The following CLSTN2 variants were observed in gnomAD, a reference collection of about 807,000 sequenced individuals.
The protein encoded by CLSTN2 is calsyntenin-2.
A neutral mutation model predicts 101.2 loss-of-function variants in CLSTN2; 48 were observed. That is an observed-to-expected ratio of 0.47 (90% CI 0.38 to 0.60). The LOEUF (loss-of-function observed/expected upper bound fraction) is 0.60, where lower values mean the gene tolerates loss of function less well. CLSTN2 is among the 20% of genes least tolerant of loss of function. The pLI is 0.00. For missense variants in CLSTN2, 1,160 were observed against 1,238.2 expected (o/e 0.94, Z 0.95); for synonymous variants, 481 against 463.6 (o/e 1.04, Z -0.48).
chr3:140,451,403 C>A (rs1933247756), intron 6 of CLSTN2, among the ~76,000 whole-genome samples: 1 of 152,208 alleles, frequency 6.6e-6, no homozygotes, highest in Admixed American at 6.5e-5. Flanking sequence ...AGGCCGTTTC[C>A]CCCAAGGTGT....
At chr3:140,044,442 C>G (rs1161463917) in intron 1 of CLSTN2, among the ~76,000 whole-genome samples, 5 of 151,904 alleles carry the variant, frequency 3.3e-5, no homozygotes, top group African/African-American at 9.7e-5. Context: ...GAGACGATGG[C>G]GTTTTCTAGA....
intron 1 of CLSTN2, among the ~76,000 whole-genome samples, chr3:140,032,462 C>T (rs1576403457): frequency 6.6e-6 from 1 of 151,808 alleles, no homozygotes; most frequent in African/African-American, 2.4e-5. Flanking sequence ...TCAGCCTCCT[C>T]AGTAGCTGGG....
At chr3:140,140,786 T>C (rs72986148) in intron 1 of CLSTN2, among the ~76,000 whole-genome samples, 25,863 of 152,224 alleles carry the variant, frequency 0.17, 6,618 homozygotes, top group African/African-American at 0.56. Flanking sequence ...AACTCAGGAC[T>C]GCCTAACTCT....
chr3:140,340,103 C>T (rs1050837415), intron 2 of CLSTN2, among the ~76,000 whole-genome samples: 1 of 138,010 alleles, frequency 7.2e-6, no homozygotes, highest in African/African-American at 2.5e-5. Context: ...TGGTACAAGT[C>T]TAGGCTCCTC....
intron 2 of CLSTN2, among the ~76,000 whole-genome samples, chr3:140,182,752 G>A (rs767165572): frequency 1.3e-5 from 2 of 152,146 alleles, no homozygotes; most frequent in Non-Finnish European, 2.9e-5. Flanking sequence ...AGTCTATTGT[G>A]TACTTCTCCA....
chr3:140,127,438 C>A (rs1270060898), intron 1 of CLSTN2, among the ~76,000 whole-genome samples: 1 of 152,166 alleles, frequency 6.6e-6, no homozygotes, highest in African/African-American at 2.4e-5. Context: ...ACTATGATTA[C>A]TAATATGCTG....
At chr3:139,965,015 G>C (rs1307174413) in intron 1 of CLSTN2, among the ~76,000 whole-genome samples, 3 of 152,096 alleles carry the variant, frequency 2.0e-5, no homozygotes, top group African/African-American at 7.2e-5. Flanking sequence ...TGCCACTACG[G>C]TTGATATTTT....
At chr3:139,940,241 A>G (rs1935101545) in intron 1 of CLSTN2, among the ~76,000 whole-genome samples, 1 of 152,202 alleles carries the variant, frequency 6.6e-6, no homozygotes, top group African/African-American at 2.4e-5. Flanking sequence ...ATTTCTTGAC[A>G]TAGACAATTT....
intron 2 of CLSTN2, among the ~76,000 whole-genome samples, chr3:140,356,791 A>G (rs2087676014): frequency 6.6e-6 from 1 of 151,926 alleles, no homozygotes; most frequent in South Asian, 2.1e-4. Context: ...AAAAATTCCA[A>G]ACATACAGAA....
In CLSTN2 at chr3:140,181,437, T is replaced by A. The variant is rs181801998; in HGVS notation, c.232+5364T>A. Among the ~76,000 whole-genome samples, 12 of 152,282 alleles carry A rather than the reference T, an allele frequency of 7.9e-5. No individual in the cohort carries two copies. The South Asian group carries it at 1.0e-3, about 13-fold the overall frequency. On this transcript the variant is annotated intron_variant, in intron 2 of 16. Transcript: ENST00000458420. ...TGCAATTATAATCTGTGATTTTTTT[T>A]AAAAAAGAGAAAAGTTTTGAGTTTG...
At chr3:140,519,473 T>C (rs1304674240) in intron 8 of CLSTN2, among the ~76,000 whole-genome samples, 1 of 152,230 alleles carries the variant, frequency 6.6e-6, no homozygotes, top group Non-Finnish European at 1.5e-5. Context: ...AGTCTAAGTC[T>C]CTTTGTAGTC....
At chr3:140,063,744 T>G (rs1377597169) in intron 1 of CLSTN2, among the ~76,000 whole-genome samples, 1 of 152,164 alleles carries the variant, frequency 6.6e-6, no homozygotes, top group East Asian at 1.9e-4. Flanking sequence ...GTCACCCTTT[T>G]GTAGGAGGGG....
intron 9 of CLSTN2, among the ~76,000 whole-genome samples, chr3:140,533,601 C>T (rs576069876): frequency 4.6e-5 from 7 of 151,424 alleles, no homozygotes; most frequent in Admixed American, 1.3e-4. Flanking sequence ...GTCCCAGCTA[C>T]TCGGGAGGCT....
intron 1 of CLSTN2, among the ~76,000 whole-genome samples, chr3:140,063,717 T>C (rs1031261100): frequency 3.9e-5 from 6 of 152,156 alleles, no homozygotes; most frequent in Non-Finnish European, 8.8e-5. Context: ...CCCTACTATA[T>C]CCTCCTTCAG....
At chr3:140,559,626 C>A (rs1400294624) in intron 12 of CLSTN2, among the ~76,000 whole-genome samples, 1 of 151,822 alleles carries the variant, frequency 6.6e-6, no homozygotes, top group Non-Finnish European at 1.5e-5. Flanking sequence ...GAAAACCTCC[C>A]TTTTGTTACT....
intron 1 of CLSTN2, among the ~76,000 whole-genome samples, chr3:140,089,554 C>G (rs1356879980): frequency 6.6e-6 from 1 of 151,862 alleles, no homozygotes; most frequent in Non-Finnish European, 1.5e-5. Flanking sequence ...TGAGGGTGCT[C>G]TATTTTGGTC....
intron 2 of CLSTN2, among the ~76,000 whole-genome samples, chr3:140,294,393 C>T (rs2086983191): frequency 6.6e-6 from 1 of 152,126 alleles, no homozygotes; most frequent in African/African-American, 2.4e-5. Flanking sequence ...CTGACTTTTG[C>T]TCCAAGTCTT....
At chr3:140,439,415 G>A (rs1352896488) in intron 5 of CLSTN2, among the ~76,000 whole-genome samples, 1 of 152,230 alleles carries the variant, frequency 6.6e-6, no homozygotes, top group Admixed American at 6.5e-5. Context: ...AGGTCTGCCA[G>A]ATAGATGTGA....
Position 140,172,222 on chromosome 3 carries a change from T to C in CLSTN2, c.110-3729T>C, listed in dbSNP as rs768960708. Among the ~76,000 whole-genome samples, 37 of 106,970 alleles carry C rather than the reference T, an allele frequency of 3.5e-4. 1 individual carries two copies. The highest frequency in any genetic ancestry group is 1.2e-3 in the African/African-American group (36 of 29,344). The allele number at this position is 106,970 out of a possible 152,430, so 70.2% of individuals were successfully genotyped here. On this transcript the variant is annotated intron_variant, in intron 1 of 16. Transcript: ENST00000458420. The stretch of plus-strand genomic sequence containing the variant: ...CTATATCCAGACTTCTGTGAGGGTA[T>C]TGGGGGTGAGCGGGGGGGACTAAAA...
Sources: gnomAD v4.1 joint callset for allele counts (sites outside exome capture counted in the v4.1 genomes callset) on GRCh38, gnomAD v4.1.1 for gene constraint, MANE v1.5 for transcripts, NCBI Gene and HGNC (gene_info 2026-07-23, HGNC 2026-07-21) for gene names.